IL15: variants seen among roughly 807,000 people sequenced by gnomAD.
IL15 encodes the protein interleukin-15.
In IL15, 11 loss-of-function variants were observed where a neutral mutation model predicts 19.6. The ratio of observed to expected loss-of-function variants is 0.56; its 90% CI spans 0.35 to 0.93. The LOEUF is 0.93. Ranked by LOEUF, IL15 falls within the 40% of genes least tolerant of loss-of-function variation. The pLI is 0.01. For synonymous variants in IL15, 58 were observed against 59.6 expected (o/e 0.97, Z 0.12); for missense variants, 197 against 186.5 (o/e 1.06, Z -0.33).
intron 2 of IL15, among the ~76,000 whole-genome samples, chr4:141,686,919 T>G (rs1211283792): frequency 6.6e-6 from 1 of 152,246 alleles, no homozygotes; most frequent in Non-Finnish European, 1.5e-5. Context: ...ATAATAATTT[T>G]AAATATTTTC....
chr4:141,703,565 G>C (rs1280968320), intron 2 of IL15, among the ~76,000 whole-genome samples: 2 of 151,954 alleles, frequency 1.3e-5, no homozygotes, highest in Non-Finnish European at 2.9e-5. Context: ...TCCTTAGTGG[G>C]GATATGTGCT....
intron 2 of IL15, among the ~76,000 whole-genome samples, chr4:141,693,075 A>C (rs753592787): frequency 1.1e-4 from 16 of 142,820 alleles, no homozygotes; most frequent in Non-Finnish European, 1.8e-4. Context: ...TTTATAAATC[A>C]AAGAGGTTTA....
intron 2 of IL15, among the ~76,000 whole-genome samples, chr4:141,707,432 TC>T (rs1729557412): frequency 6.6e-6 from 1 of 152,194 alleles, no homozygotes; most frequent in Non-Finnish European, 1.5e-5. Context: ...TTTATTGTGT[TC>T]CTTTGGGGGT....
intron 2 of IL15, among the ~76,000 whole-genome samples, chr4:141,672,691 T>G (rs1728213453): frequency 6.6e-6 from 1 of 152,206 alleles, no homozygotes; most frequent in African/African-American, 2.4e-5. Flanking sequence ...CCAGATGAAC[T>G]GTAGACTTTA....
At chr4:141,666,081 A>ATTATTTATTTATTTATTTATTTAT (rs10530521) in intron 2 of IL15, among the ~76,000 whole-genome samples, 46 of 143,388 alleles carry the variant, frequency 3.2e-4, no homozygotes, top group East Asian at 1.5e-3. Context: ...CTTTTTATTT[A>ATTATTTATTTATTTATTTATTTAT]TTATTTATTT....
chr4:141,732,658 G>T, intron 7 of IL15, 80 bp from the exon 8 acceptor site: 1 of 1,550,474 alleles, frequency 6.4e-7, no homozygotes, highest in Non-Finnish European at 8.7e-7. Context: ...TGGTTCAAAC[G>T]ATATGATATT....
intron 2 of IL15, among the ~76,000 whole-genome samples, chr4:141,668,640 T>C (rs1178981210): frequency 6.6e-6 from 1 of 152,208 alleles, no homozygotes; most frequent in African/African-American, 2.4e-5. Flanking sequence ...TTAGCTCACA[T>C]AGGTCTTCCT....
intron 2 of IL15, among the ~76,000 whole-genome samples, chr4:141,685,508 A>AC (rs955795759): frequency 6.8e-4 from 103 of 152,250 alleles, no homozygotes; most frequent in African/African-American, 2.4e-3. Context: ...TATGCCATGC[A>AC]TTTTTTGGCC....
chr4:141,720,707 A>G, intron 4 of IL15, 141 bp downstream of exon 4: 1 of 668,884 alleles, frequency 1.5e-6, no homozygotes, highest in Non-Finnish European at 2.7e-6. Context: ...AAGGCAGACT[A>G]CAGAGATTTA....
At chr4:141,675,819 T>C (rs1728322750) in intron 2 of IL15, among the ~76,000 whole-genome samples, 1 of 152,174 alleles carries the variant, frequency 6.6e-6, no homozygotes, top group Non-Finnish European at 1.5e-5. Flanking sequence ...ACCTTGCACA[T>C]TTTGTGAAAT....
At chr4:141,686,830 A>T (rs1032266874) in intron 2 of IL15, among the ~76,000 whole-genome samples, 5 of 152,202 alleles carry the variant, frequency 3.3e-5, no homozygotes, top group Non-Finnish European at 7.4e-5. Context: ...TATTATTGTT[A>T]CTAGTAATTT....
chr4:141,674,933 T>G (rs1032010491), intron 2 of IL15, among the ~76,000 whole-genome samples: 1 of 126,406 alleles, frequency 7.9e-6, no homozygotes, highest in Non-Finnish European at 1.8e-5. Context: ...GGACTGGGTG[T>G]TCTACTTGGG....
chr4:141,711,079 T>A (rs1729703114), intron 2 of IL15, among the ~76,000 whole-genome samples: 1 of 152,120 alleles, frequency 6.6e-6, no homozygotes. Context: ...TATATCATGG[T>A]TGTGGTAGTA....
chr4:141,668,170 A>G (rs1324391896), intron 2 of IL15, among the ~76,000 whole-genome samples: 7 of 152,262 alleles, frequency 4.6e-5, no homozygotes, highest in African/African-American at 1.7e-4. Flanking sequence ...GAGATAATAC[A>G]TAGTGCCACA....
chr4:141,661,236 G>A (rs961930070), intron 2 of IL15, among the ~76,000 whole-genome samples: 1 of 152,174 alleles, frequency 6.6e-6, no homozygotes, highest in African/African-American at 2.4e-5. Flanking sequence ...AGGAGCCACA[G>A]AGTGATAGCA....
chr4:141,649,866 T>G (rs1332836846), intron 1 of IL15, among the ~76,000 whole-genome samples: 1 of 152,160 alleles, frequency 6.6e-6, no homozygotes, highest in Admixed American at 6.6e-5. Context: ...TAAAAATAGA[T>G]TGGATTTTCC....
At chr4:141,704,164 C>G (rs1423689805) in intron 2 of IL15, among the ~76,000 whole-genome samples, 1 of 152,124 alleles carries the variant, frequency 6.6e-6, no homozygotes, top group Non-Finnish European at 1.5e-5. Flanking sequence ...AGCAATTCCC[C>G]CTTCAGTATG....
chr4:141,637,373 T>G (rs1432478179), intron 1 of IL15: 1 of 152,308 alleles, frequency 6.6e-6, no homozygotes, highest in Non-Finnish European at 1.5e-5. Flanking sequence ...GGAGAGAAAT[T>G]TGCAGGAATG....
intron 7 of IL15, among the ~76,000 whole-genome samples, chr4:141,730,811 A>G (rs1730427104): frequency 6.6e-6 from 1 of 152,190 alleles, no homozygotes; most frequent in Non-Finnish European, 1.5e-5. Flanking sequence ...ACAAAGAGGC[A>G]TAATCAAATT....
Sources: allele counts gnomAD v4.1 joint callset (sites outside exome capture counted in the v4.1 genomes callset), GRCh38; gene constraint gnomAD v4.1.1; transcripts MANE v1.5; gene names NCBI Gene and HGNC (gene_info 2026-07-23, HGNC 2026-07-21).